Variants in DOCK5 observed in about 807,000 individuals in gnomAD.
DOCK5 encodes the protein dedicator of cytokinesis protein 5.
Under a neutral mutation model 251.8 loss-of-function variants are expected in DOCK5, and 142 were observed. The observed-to-expected ratio is 0.56, with a 90% CI of 0.49 to 0.65. The LOEUF (loss-of-function observed/expected upper bound fraction) is 0.65, where lower values mean the gene tolerates loss of function less well. Ranked by LOEUF, DOCK5 falls within the 30% of genes least tolerant of loss-of-function variation. The pLI, the probability that DOCK5 is intolerant of heterozygous loss-of-function variation, is 0.00. For synonymous variants in DOCK5, 842 were observed against 835.5 expected (o/e 1.01, Z -0.13); for missense variants, 2,111 against 2,312.3 (o/e 0.91, Z 1.79).
At chr8:25,205,665 T>C (rs1469343748) in intron 1 of DOCK5, among the ~76,000 whole-genome samples, 1 of 152,212 alleles carries the variant, frequency 6.6e-6, no homozygotes, top group Non-Finnish European at 1.5e-5. Context: ...AAAATCCTGC[T>C]GTTGCTGATT....
intron 22 of DOCK5, among the ~76,000 whole-genome samples, chr8:25,339,994 G>C (rs577887568): frequency 6.6e-6 from 1 of 152,280 alleles, no homozygotes; most frequent in South Asian, 2.1e-4. Flanking sequence ...ACTGATTCGA[G>C]CTCGTAGGAT....
At chr8:25,286,004 A>T (rs1378491678) in intron 5 of DOCK5, among the ~76,000 whole-genome samples, 1 of 152,178 alleles carries the variant, frequency 6.6e-6, no homozygotes, top group Non-Finnish European at 1.5e-5. Context: ...GAGGCAAAAA[A>T]TGGCCTTTAA....
chr8:25,224,425 A>G (rs6991893), intron 1 of DOCK5, among the ~76,000 whole-genome samples: 13,596 of 152,246 alleles, frequency 0.089, 1,672 homozygotes, highest in African/African-American at 0.28. Flanking sequence ...GGCCTTAATC[A>G]TCTTTGTCAT....
chr8:25,347,887 T>C (rs1053796637), intron 26 of DOCK5, among the ~76,000 whole-genome samples: 70 of 152,122 alleles, frequency 4.6e-4, no homozygotes, highest in African/African-American at 1.7e-3. Context: ...CTACCAACCT[T>C]CTCACCACCC....
Position 25,331,318 on chromosome 8 carries a change from G to A in DOCK5, c.1904-933G>A, listed in dbSNP as rs138824407. 1.4e-3 allele frequency among the ~76,000 whole-genome samples: 213 copies of A among 151,754 alleles called. 1 individual carries two copies. The highest frequency in any genetic ancestry group is 5.0e-3 in the African/African-American group (205 of 41,338). ...AGACAGGGTCTCTCTATGTTGCCCAGGCTGGTCTTGAATTCCTGAGCTCAA... is the reference window on the plus strand; with the variant it reads ...AGACAGGGTCTCTCTATGTTGCCCAAGCTGGTCTTGAATTCCTGAGCTCAA... On this transcript the variant is annotated intron_variant, in intron 18 of 51. Transcript: ENST00000276440.
chr8:25,340,703 G>T (rs1453217972), intron 22 of DOCK5, among the ~76,000 whole-genome samples, 174 bp from the exon 23 acceptor site: 1 of 152,216 alleles, frequency 6.6e-6, no homozygotes, highest in African/African-American at 2.4e-5. Flanking sequence ...GCCTTTCCGG[G>T]TTGAGCGGCT....
chr8:25,392,299 G>A (rs1009517801), intron 43 of DOCK5, among the ~76,000 whole-genome samples: 125 of 102,940 alleles, frequency 1.2e-3, no homozygotes, highest in African/African-American at 3.3e-3. Flanking sequence ...GCGAGACTTC[G>A]TCTCAAAAAA....
intron 1 of DOCK5, among the ~76,000 whole-genome samples, chr8:25,197,982 C>T (rs556580256): frequency 7.8e-4 from 119 of 152,084 alleles, no homozygotes; most frequent in African/African-American, 2.8e-3. Context: ...GATCTCCTGA[C>T]GTCGTGATCC....
chr8:25,202,070 G>A (rs911918505), intron 1 of DOCK5, among the ~76,000 whole-genome samples: 4 of 152,014 alleles, frequency 2.6e-5, no homozygotes, highest in Non-Finnish European at 4.4e-5. Flanking sequence ...AGGCTGGAGC[G>A]CAGTGGCACA....
chr8:25,379,772 G>T (rs1394830171), intron 38 of DOCK5, among the ~76,000 whole-genome samples: 1 of 151,758 alleles, frequency 6.6e-6, no homozygotes, highest in Non-Finnish European at 1.5e-5. Context: ...CCTCCATTCG[G>T]GGTCCCTGAC....
chr8:25,319,800 C>T (rs1170383165), intron 15 of DOCK5, 124 bp downstream of exon 15: 2 of 607,304 alleles, frequency 3.3e-6, no homozygotes, highest in Non-Finnish European at 5.7e-6. Context: ...CTATGGTGTG[C>T]AGTAAGAAAT....
intron 48 of DOCK5, among the ~76,000 whole-genome samples, chr8:25,404,282 T>A (rs1036287803): frequency 2.0e-5 from 3 of 152,192 alleles, no homozygotes; most frequent in Non-Finnish European, 4.4e-5. Context: ...TAATATTATA[T>A]CTTGAAACTC....
At chr8:25,410,593 C>G (rs1331117284) in intron 51 of DOCK5, among the ~76,000 whole-genome samples, 1 of 151,974 alleles carries the variant, frequency 6.6e-6, no homozygotes, top group Non-Finnish European at 1.5e-5. Context: ...TCTCAATTAG[C>G]TGGGACTACA....
chr8:25,366,872 C>T lies in DOCK5; in HGVS notation c.3126C>T (p.Leu1042=), dbSNP rs754701434. 8 of 1,613,214 alleles carry T rather than the reference C, an allele frequency of 5.0e-6. No homozygotes were observed. In the South Asian group the frequency reaches 6.6e-5, roughly 13 times the overall value. ...CCCACACAATTAATTTTGAACAGCT[C>T]TGGAACAATTACTTCCATTTGGCAG... The part of the protein sequence containing the change: ...FMDQASFELQ[L]WNNYFHLAVA... Residue 1042 remains leucine, a splice_region_variant and synonymous_variant, in exon 31 of 52, where the codon CTC becomes CTT. Coordinates refer to ENST00000276440, the MANE Select transcript of DOCK5 (RefSeq NM_024940.8).
In DOCK5 at chr8:25,389,120, G is replaced by C; in HGVS notation, c.4161G>C (p.Glu1387Asp). The C allele has an allele frequency of 1.2e-6, 2 of 1,613,998 alleles. No individual in the cohort carries two copies. The highest frequency in any genetic ancestry group is 1.7e-6 in the Non-Finnish European group (2 of 1,179,882). Residue 1387 changes from glutamate (E) to aspartate (D), a missense_variant, in exon 41 of 52, where the codon GAG becomes GAC. Transcript: ENST00000276440. ...RNKIFIYRGK[E>D]YERREDFSLR... is the part of the protein sequence containing the mutation. ...AAATCTTCATCTATCGGGGAAAGGA[G>C]TATGAGAGGCGAGAGGACTTCAGCC...
At chr8:25,250,204 C>T (rs773164452) in intron 2 of DOCK5, among the ~76,000 whole-genome samples, 7 of 152,150 alleles carry the variant, frequency 4.6e-5, no homozygotes, top group Admixed American at 1.3e-4. Context: ...AGCTTCTATC[C>T]ATCATCTTTT....
At chr8:25,310,003 T>C (rs949309911) in intron 12 of DOCK5, among the ~76,000 whole-genome samples, 1 of 152,050 alleles carries the variant, frequency 6.6e-6, no homozygotes, top group Non-Finnish European at 1.5e-5. Context: ...AATCCCAGCA[T>C]ATTCATGTAA....
rs769412029 is a variant in DOCK5, at chr8:25,411,258, G to T, written c.5573G>T (p.Arg1858Leu). 1 of 1,583,942 alleles carries T rather than the reference G, an allele frequency of 6.3e-7. No individual in the cohort carries two copies. Among genetic ancestry groups the T allele is most frequent in the South Asian group, 1.2e-5 (1 of 86,604 alleles). ...KAPPPPPPKA[R>L]KSGIPTSEPG... Reference sequence around the variant, plus strand: ...CCACCCCCTCCACCTCCAAAGGCTCGGAAGTCTGGCATCCCTACTTCCGAG... The same window carrying T: ...CCACCCCCTCCACCTCCAAAGGCTCTGAAGTCTGGCATCCCTACTTCCGAG... The change falls in exon 52 of 52, where the codon CGG becomes CTG. Residue 1858 changes from arginine to leucine, a missense_variant. This residue lies in a region of DOCK5 where 1,717 missense variants were observed against 1,892.4 expected (regional missense o/e 0.91). Transcript: ENST00000276440.
chr8:25,252,338 A>G (rs973467609), intron 2 of DOCK5, among the ~76,000 whole-genome samples: 1 of 152,246 alleles, frequency 6.6e-6, no homozygotes, highest in South Asian at 2.1e-4. Context: ...ATAAGCTTCA[A>G]TAGGGGTGTC....
Sources: gnomAD v4.1 joint callset for allele counts (sites outside exome capture counted in the v4.1 genomes callset) on GRCh38, gnomAD v4.1.1 for gene constraint, gnomAD v4.1.1 regional missense constraint, MANE v1.5 for transcripts, NCBI Gene and HGNC (gene_info 2026-07-23, HGNC 2026-07-21) for gene names.